The following CD99 variants were observed in gnomAD, a reference collection of about 807,000 sequenced individuals.
CD99 encodes the protein CD99 molecule (Xg blood group).
Under a neutral mutation model 28.4 loss-of-function variants are expected in CD99, and 19 were observed. That is an observed-to-expected ratio of 0.67 (90% CI 0.47 to 0.98). CD99 has a LOEUF of 0.98. Among genes scored for constraint, CD99 ranks in the 50% least tolerant of loss-of-function variants. The pLI is 0.00. For missense variants in CD99, 283 were observed against 248.8 expected, an observed-to-expected ratio of 1.14 and a Z score of -0.92; for synonymous variants, 103 against 92.1, an observed-to-expected ratio of 1.12 and a Z score of -0.67.
At chrX:2,735,299 G>A (rs960274131) in intron 8 of CD99, among the ~76,000 whole-genome samples, 26 of 152,186 alleles carry the variant, frequency 1.7e-4, no homozygotes, top group African/African-American at 6.0e-4. Context: ...AATAGCTACA[G>A]ATGATTTCTA....
At chrX:2,702,902 C>T in intron 1 of CD99, among the ~76,000 whole-genome samples, 1 of 152,128 alleles carries the variant, frequency 6.6e-6, no homozygotes, top group South Asian at 2.1e-4. Context: ...CTGCCTCAGC[C>T]TCCCGAGTAG....
chrX:2,734,607 C>CTTTTTCT lies in CD99; in HGVS notation c.476-3580_476-3574dup, dbSNP rs1279273560. ...CAGGTGTGAGCCACTGTGCCTGGCCCTTTTTCTTTTTTCTTTTTTTTTTTC... is the reference window on the plus strand; with the variant it reads ...CAGGTGTGAGCCACTGTGCCTGGCCCTTTTTCTTTTTTCTTTTTTCTTTTTTTTTTTC... On this transcript the variant is annotated intron_variant, in intron 8 of 9. Coordinates refer to ENST00000381192, the MANE Select transcript of CD99 (RefSeq NM_002414.5). Among the ~76,000 whole-genome samples the CTTTTTCT allele has an allele frequency of 1.3e-4, 20 of 150,312 alleles. No homozygotes were observed. In the South Asian group the frequency reaches 1.5e-3, roughly 11 times the overall value.
intron 2 of CD99, among the ~76,000 whole-genome samples, chrX:2,716,738 C>A (rs2048741820): frequency 6.6e-6 from 1 of 152,176 alleles, no homozygotes. Context: ...GGGATCATCT[C>A]TTTCCTGACC....
intron 1 of CD99, among the ~76,000 whole-genome samples, chrX:2,695,943 T>C: frequency 6.6e-6 from 1 of 152,074 alleles, no homozygotes; most frequent in East Asian, 1.9e-4. Flanking sequence ...ATTGTAAAAA[T>C]CAACTGTCCT....
At chrX:2,713,137 C>T (rs868541242) in intron 1 of CD99, among the ~76,000 whole-genome samples, 1 of 139,144 alleles carries the variant, frequency 7.2e-6, no homozygotes, top group African/African-American at 2.9e-5. Flanking sequence ...CACATACACA[C>T]ACAAACCCAC....
At chrX:2,698,844 T>C (rs1236799664) in intron 1 of CD99, among the ~76,000 whole-genome samples, 2 of 152,308 alleles carry the variant, frequency 1.3e-5, no homozygotes, top group Non-Finnish European at 2.9e-5. Flanking sequence ...TTCTCAGCTT[T>C]GGCCCCATTG....
At chrX:2,713,458 C>T (rs1291477377) in intron 1 of CD99, among the ~76,000 whole-genome samples, 7 of 152,078 alleles carry the variant, frequency 4.6e-5, no homozygotes, top group Non-Finnish European at 1.5e-5. Flanking sequence ...ACACACAGAA[C>T]TCACCTACAC....
chrX:2,713,559 T>C (rs1319168565), intron 1 of CD99, among the ~76,000 whole-genome samples: 2 of 152,184 alleles, frequency 1.3e-5, no homozygotes, highest in African/African-American at 4.8e-5. Flanking sequence ...CATACCCCTG[T>C]GACATATGCA....
At chrX:2,734,291 TCTTA>T (rs1256063684) in intron 8 of CD99, among the ~76,000 whole-genome samples, 7 of 151,918 alleles carry the variant, frequency 4.6e-5, no homozygotes, top group Middle Eastern at 3.2e-3. Flanking sequence ...CTTTTTCTTT[TCTTA>T]CTTTTCTTCT....
At chrX:2,726,177 C>G in intron 7 of CD99, 83 bp from the exon 8 acceptor site, 1 of 795,126 alleles carries the variant, frequency 1.3e-6, no homozygotes, top group Non-Finnish European at 2.1e-6. Flanking sequence ...CTCAGACTGA[C>G]TGTCTCTGCC....
At chrX:2,728,369 T>G (rs2049408394) in intron 8 of CD99, among the ~76,000 whole-genome samples, 1 of 151,860 alleles carries the variant, frequency 6.6e-6, no homozygotes, top group South Asian at 2.1e-4. Context: ...CTAATTTTTG[T>G]TTTTTTAGTA....
At chrX:2,715,210 C>G (rs2048633152) in intron 2 of CD99, 1 of 152,010 alleles carries the variant, frequency 6.6e-6, no homozygotes, top group South Asian at 2.1e-4. Context: ...TCTTATCACT[C>G]TATCAGCTTC....
chrX:2,691,573 G>A (rs1267902575), intron 1 of CD99, 146 bp downstream of exon 1: 6 of 895,152 alleles, frequency 6.7e-6, no homozygotes, highest in East Asian at 5.3e-5. Context: ...GCCCACGGGG[G>A]CCCAGGCCCG....
intron 1 of CD99, among the ~76,000 whole-genome samples, chrX:2,700,591 C>G (rs760701238): frequency 6.7e-6 from 1 of 150,336 alleles, no homozygotes; most frequent in Admixed American, 6.6e-5. Flanking sequence ...CATCCGTCGT[C>G]CCATTCCTTT....
At chrX:2,713,732 T>C (rs1317373945) in intron 1 of CD99, among the ~76,000 whole-genome samples, 1 of 152,180 alleles carries the variant, frequency 6.6e-6, no homozygotes, top group Non-Finnish European at 1.5e-5. Flanking sequence ...TGTATGCCTT[T>C]GGTGCTGAGG....
chrX:2,726,816 C>A (rs2049311031), intron 8 of CD99, among the ~76,000 whole-genome samples: 1 of 141,364 alleles, frequency 7.1e-6, no homozygotes, highest in African/African-American at 3.2e-5. Flanking sequence ...CGCCACGGTC[C>A]TTTCTCCACT....
At chrX:2,704,590 T>C (rs1195801852) in intron 1 of CD99, among the ~76,000 whole-genome samples, 1 of 151,508 alleles carries the variant, frequency 6.6e-6, no homozygotes, top group Non-Finnish European at 1.5e-5. Flanking sequence ...CACGCCACCA[T>C]GCCCAGCTAA....
intron 2 of CD99, among the ~76,000 whole-genome samples, chrX:2,716,074 A>C (rs2048695790): frequency 1.4e-5 from 2 of 147,002 alleles, no homozygotes; most frequent in South Asian, 4.3e-4. Flanking sequence ...GCTGGAGTGC[A>C]GTGGCACGAT....
At chrX:2,708,409 G>A (rs1032618675) in intron 1 of CD99, among the ~76,000 whole-genome samples, 4 of 152,046 alleles carry the variant, frequency 2.6e-5, no homozygotes, top group African/African-American at 4.8e-5. Context: ...GGTGAGGGTG[G>A]GACTCTGTAT....
Sources: allele counts gnomAD v4.1 joint callset (sites outside exome capture counted in the v4.1 genomes callset), GRCh38; gene constraint gnomAD v4.1.1; transcripts MANE v1.5; gene names NCBI Gene and HGNC (gene_info 2026-07-23, HGNC 2026-07-21).